The following TRAPPC9 variants were observed in gnomAD, a reference collection of about 807,000 sequenced individuals.
TRAPPC9 encodes the protein IKK2 binding protein.
TRAPPC9 carries 83 observed loss-of-function variants against 124.0 expected under a neutral mutation model. That is an observed-to-expected ratio of 0.67 (90% CI 0.56 to 0.80). The LOEUF is 0.80. TRAPPC9 is among the 30% of genes least tolerant of loss of function. The probability of loss-of-function intolerance (pLI) is 0.00; values close to 1 mark genes in which losing one functional copy is unlikely to be tolerated. For missense variants in TRAPPC9, 1,302 were observed against 1,508.3 expected, an observed-to-expected ratio of 0.86 and a Z score of 2.27; for synonymous variants, 638 against 617.5, an observed-to-expected ratio of 1.03 and a Z score of -0.49.
At chr8:139,882,990 A>C (rs1392907836) in intron 21 of TRAPPC9, among the ~76,000 whole-genome samples, 1 of 152,036 alleles carries the variant, frequency 6.6e-6, no homozygotes, top group Non-Finnish European at 1.5e-5. Flanking sequence ...CTCCTCCAAA[A>C]CTCACGTTGA....
intron 17 of TRAPPC9, among the ~76,000 whole-genome samples, chr8:140,166,283 C>T (rs1329868676): frequency 2.0e-5 from 3 of 152,166 alleles, no homozygotes; most frequent in Non-Finnish European, 4.4e-5. Flanking sequence ...GAGCTTAGAC[C>T]AACAAAACTC....
At chr8:140,399,338 G>A (rs1423350963) in intron 6 of TRAPPC9, among the ~76,000 whole-genome samples, 1 of 152,208 alleles carries the variant, frequency 6.6e-6, no homozygotes, top group Admixed American at 6.5e-5. Flanking sequence ...CAGATCCACT[G>A]ACAGCTTGCA....
rs763715576 is a variant in TRAPPC9 at position 140,435,245 on chromosome 8, G to A, written c.731-5C>T. The stretch of plus-strand genomic sequence containing the variant: ...AACACAATCCTTCCAGGGCAGCTGG[G>A]CATTAAGAAAACAAAAAACAAAAAC... On this transcript the variant is annotated splice_region_variant and splice_polypyrimidine_tract_variant and intron_variant, in intron 3 of 22. Transcript: ENST00000438773. The A allele has an allele frequency of 6.2e-7, 1 of 1,612,146 alleles. No homozygotes were observed. Among genetic ancestry groups the A allele is most frequent in the Admixed American group, 1.7e-5 (1 of 59,730 alleles).
At chr8:140,364,709 A>C (rs949945843) in intron 8 of TRAPPC9, among the ~76,000 whole-genome samples, 2 of 151,794 alleles carry the variant, frequency 1.3e-5, no homozygotes, top group South Asian at 4.2e-4. Flanking sequence ...CAACCTCCTG[A>C]GTAGCTAGGA....
At chr8:140,279,976 C>T (rs927966405) in intron 14 of TRAPPC9, among the ~76,000 whole-genome samples, 11 of 152,210 alleles carry the variant, frequency 7.2e-5, no homozygotes, top group African/African-American at 2.4e-4. Context: ...GAGCGCTGGC[C>T]GGAGCTTGCT....
At chr8:140,115,562 T>C (rs2060865573) in intron 17 of TRAPPC9, among the ~76,000 whole-genome samples, 1 of 152,218 alleles carries the variant, frequency 6.6e-6, no homozygotes, top group Non-Finnish European at 1.5e-5. Context: ...CCACCGCACC[T>C]GGCCATTATA....
At position 139,924,774 on chromosome 8, in the gene TRAPPC9, C is replaced by T. The variant is rs115951940; in HGVS notation, c.2811-14474G>A. Among the ~76,000 whole-genome samples, 342 of 152,348 alleles carry T rather than the reference C, an allele frequency of 2.2e-3. 1 individual carries two copies. The highest frequency in any genetic ancestry group is 7.6e-3 in the African/African-American group (314 of 41,582). ...CACTGGTTTCTTTGGATACCTATTTCGTCCACCTCCTTCGCTCCTGGACCG... is the reference window on the plus strand; with the variant it reads ...CACTGGTTTCTTTGGATACCTATTTTGTCCACCTCCTTCGCTCCTGGACCG... On this transcript the variant is annotated intron_variant, in intron 19 of 22. Transcript: ENST00000438773.
rs1056913095 is a variant in TRAPPC9, at chr8:140,071,543, G to A, written c.2557-47464C>T. Among the ~76,000 whole-genome samples, 26 of 152,166 alleles carry A rather than the reference G, an allele frequency of 1.7e-4. 1 individual carries two copies. The highest frequency in any genetic ancestry group is 2.6e-4 in the Admixed American group (4 of 15,280). On this transcript the variant is annotated intron_variant, in intron 17 of 22. Coordinates refer to ENST00000438773, the MANE Select transcript of TRAPPC9 (RefSeq NM_001160372.4). ...GCACAATGTCTTGGGAGGCCCTGAC[G>A]TGCTGGACAAAGGGGCCTTCCCTGG...
At chr8:140,154,824 T>C (rs1204822007) in intron 17 of TRAPPC9, among the ~76,000 whole-genome samples, 3 of 152,240 alleles carry the variant, frequency 2.0e-5, no homozygotes, top group Non-Finnish European at 1.5e-5. Context: ...CATGTCCCTA[T>C]TGTCCAGCAC....
chr8:140,005,360 G>A (rs1487455297), intron 18 of TRAPPC9, among the ~76,000 whole-genome samples: 4 of 152,322 alleles, frequency 2.6e-5, no homozygotes, highest in Non-Finnish European at 5.9e-5. Flanking sequence ...CTATGGGGAA[G>A]GAACGCAGCA....
chr8:140,384,374 TAA>T (rs1361398230), intron 7 of TRAPPC9, among the ~76,000 whole-genome samples: 29 of 152,058 alleles, frequency 1.9e-4, no homozygotes, highest in African/African-American at 2.4e-5. Flanking sequence ...GCAAATTGGA[TAA>T]AGAGTCAAGA....
At chr8:139,826,691 T>C (rs143320511) in intron 21 of TRAPPC9, among the ~76,000 whole-genome samples, 117 of 152,110 alleles carry the variant, frequency 7.7e-4, no homozygotes, top group African/African-American at 2.6e-3. Context: ...TGTGAAAGGC[T>C]GGAGTTGACG....
chr8:139,875,864 G>C (rs1338019185), intron 21 of TRAPPC9, among the ~76,000 whole-genome samples: 1 of 152,250 alleles, frequency 6.6e-6, no homozygotes, highest in African/African-American at 2.4e-5. Flanking sequence ...GTTTGGAGAT[G>C]TGGGCTGTGC....
At chr8:140,448,893 C>T (rs1393375355) in intron 2 of TRAPPC9, among the ~76,000 whole-genome samples, 2 of 152,212 alleles carry the variant, frequency 1.3e-5, no homozygotes, top group Admixed American at 1.3e-4. Context: ...GGTCTCTAAA[C>T]CTTGCTGCCT....
intron 19 of TRAPPC9, among the ~76,000 whole-genome samples, chr8:139,942,319 C>A (rs1490750356): frequency 1.3e-5 from 2 of 152,130 alleles, no homozygotes; most frequent in African/African-American, 4.8e-5. Flanking sequence ...TTTATTGAAT[C>A]CCTGGGCATT....
intron 17 of TRAPPC9, among the ~76,000 whole-genome samples, chr8:140,164,352 C>T (rs1187851446): frequency 6.6e-6 from 1 of 152,204 alleles, no homozygotes; most frequent in Admixed American, 6.5e-5. Context: ...TTGCCAAATT[C>T]AGGGGCTATT....
intron 21 of TRAPPC9, among the ~76,000 whole-genome samples, chr8:139,769,234 C>A (rs1326830037): frequency 6.6e-6 from 1 of 152,222 alleles, no homozygotes; most frequent in Admixed American, 6.5e-5. Context: ...CCTCGACATA[C>A]ATACCTATGA....
At chr8:139,732,236 TGGCCTGCAC>T in intron 21 of TRAPPC9, 34 bp from the exon 22 acceptor site, 2 of 1,523,018 alleles carry the variant, frequency 1.3e-6, no homozygotes, top group Non-Finnish European at 1.8e-6. Flanking sequence ...GGGGCTGGGC[TGGCCTGCAC>T]GGCCCAGCCG....
intron 16 of TRAPPC9, among the ~76,000 whole-genome samples, chr8:140,232,823 A>G (rs2063632162): frequency 6.6e-6 from 1 of 152,246 alleles, no homozygotes; most frequent in African/African-American, 2.4e-5. Flanking sequence ...GATAAAAATC[A>G]GGGAAACAAA....
Sources: gnomAD v4.1 joint callset for allele counts (sites outside exome capture counted in the v4.1 genomes callset) on GRCh38, gnomAD v4.1.1 for gene constraint, MANE v1.5 for transcripts, NCBI Gene and HGNC (gene_info 2026-07-23, HGNC 2026-07-21) for gene names.